GANAB: variants seen among roughly 807,000 people sequenced by gnomAD.
The protein encoded by GANAB is neutral alpha-glucosidase AB.
Under a neutral mutation model 129.9 loss-of-function variants are expected in GANAB, and 35 were observed. The ratio of observed to expected loss-of-function variants is 0.27; its 90% CI spans 0.21 to 0.36. The LOEUF is 0.36. Among genes scored for constraint, GANAB ranks in the 10% least tolerant of loss-of-function variants. GANAB has a pLI of 1.00. For missense variants in GANAB, 939 were observed against 1,221.0 expected (o/e 0.77, Z 3.44); for synonymous variants, 482 against 451.8 (o/e 1.07, Z -0.85).
intron 17 of GANAB, among the ~76,000 whole-genome samples, chr11:62,628,465 G>A (rs1383299635): frequency 3.3e-5 from 5 of 151,828 alleles, no homozygotes; most frequent in African/African-American, 1.2e-4. Context: ...TGCCCACCTC[G>A]GCCTCCCAAA....
At position 62,630,646 on chromosome 11, in the gene GANAB, A is replaced by G. The variant is rs761426092; in HGVS notation, c.1341T>C (p.Pro447=). Residue 447 remains proline (P), a synonymous_variant, in exon 11 of 24, where the codon CCT becomes CCC. Transcript: ENST00000356638. ...AGCGCTCAAGCATGGTGCGGGGCTG[A>G]GGGAAGCGACTGGGGTCCCAGGTGA... ...RYFTWDPSRF[P]QPRTMLERLA... The G allele has an allele frequency of 3.1e-6, 5 of 1,614,054 alleles. No homozygotes were observed. The East Asian group carries it at 1.1e-4, about 36-fold the overall frequency.
chr11:62,643,129 G>A (rs773884391), intron 1 of GANAB, among the ~76,000 whole-genome samples: 2 of 152,304 alleles, frequency 1.3e-5, no homozygotes, highest in Non-Finnish European at 2.9e-5. Flanking sequence ...ATTTAAATAA[G>A]TTAGTTTGAA....
intron 1 of GANAB, among the ~76,000 whole-genome samples, chr11:62,645,636 G>C (rs748578400): frequency 6.6e-6 from 1 of 152,122 alleles, no homozygotes; most frequent in South Asian, 2.1e-4. Context: ...ATGGAGATAG[G>C]ATTCCTAAAG....
Position 62,639,441 on chromosome 11 carries a change from A to G in GANAB, c.170T>C (p.Leu57Pro). ...GTCCAGCAAGGCTCGGTATGGAGAG[A>G]GGCCTGGCCGTATGCTTCTCTGTCG... Reference protein sequence around the residue: ...CKRQRSIRPGLSPYRALLDSL... With the variant: ...CKRQRSIRPGPSPYRALLDSL... Residue 57 changes from leucine (L) to proline (P), a missense_variant, in exon 3 of 24, where the codon CTC becomes CCC. Leu to Pro is a moderately conservative substitution (Grantham distance 98). Coordinates refer to ENST00000356638, the MANE Select transcript of GANAB (RefSeq NM_198334.3). 1 of 1,613,596 alleles carries G rather than the reference A, an allele frequency of 6.2e-7. No individual in the cohort carries two copies. The highest frequency in any genetic ancestry group is 8.5e-7 in the Non-Finnish European group (1 of 1,179,704).
At position 62,633,052 on chromosome 11, in the gene GANAB, G is replaced by T; in HGVS notation, c.768C>A (p.Val256=). Residue 256 remains valine, a synonymous_variant, in exon 8 of 24, where the codon GTC becomes GTA. Transcript: ENST00000356638. The part of the protein sequence containing the change: ...LDFSLPGMEH[V]YGIPEHADNL... Reference sequence around the variant, plus strand: ...TGTCTGCATGCTCAGGGATCCCATAGACATGCTCCATGCCTGGCAGAGAGA... The same window carrying T: ...TGTCTGCATGCTCAGGGATCCCATATACATGCTCCATGCCTGGCAGAGAGA... The T allele has an allele frequency of 6.2e-7, 1 of 1,612,072 alleles. No individual in the cohort carries two copies. Among genetic ancestry groups the T allele is most frequent in the Non-Finnish European group, 8.5e-7 (1 of 1,178,174 alleles).
At chr11:62,638,462 T>C (rs1177987331) in intron 4 of GANAB, among the ~76,000 whole-genome samples, 2 of 152,092 alleles carry the variant, frequency 1.3e-5, no homozygotes, top group Admixed American at 6.6e-5. Flanking sequence ...CACTATGTTA[T>C]TTTCTGAATT....
intron 17 of GANAB, 87 bp downstream of exon 17, chr11:62,628,682 T>C (rs1943517415): frequency 8.7e-6 from 12 of 1,376,364 alleles, no homozygotes; most frequent in South Asian, 5.0e-5. Flanking sequence ...CTGTAGTGAG[T>C]GAAGAAAGAG....
At chr11:62,635,126 G>A in intron 4 of GANAB, 126 bp from the exon 5 acceptor site, 1 of 610,884 alleles carries the variant, frequency 1.6e-6, no homozygotes, top group Non-Finnish European at 2.9e-6. Context: ...AGCAGGGATA[G>A]ACAAGTTAAT....
At chr11:62,633,543 A>G (rs373204772) in intron 5 of GANAB, 29 bp from the exon 6 acceptor site, 4 of 1,597,662 alleles carry the variant, frequency 2.5e-6, no homozygotes, top group East Asian at 2.2e-5. Context: ...GTCTGCTCCA[A>G]TCCAGAGGGG....
At chr11:62,644,661 TA>T (rs1944400191) in intron 1 of GANAB, among the ~76,000 whole-genome samples, 1 of 151,794 alleles carries the variant, frequency 6.6e-6, no homozygotes, top group African/African-American at 2.4e-5. Flanking sequence ...GGGTGTCTAC[TA>T]AAAATACAAA....
chr11:62,625,865 G>A lies in GANAB; in HGVS notation c.2785C>T (p.Arg929Cys), dbSNP rs1190900041. The stretch of plus-strand genomic sequence containing the variant: ...GATGCCACATTGATGCCAGGCTTGC[G>A]CAGGACCAACACAGAGGTCTCAGGG... Reference protein sequence around the residue: ...HDPETSVLVLRKPGINVASDW... With the variant: ...HDPETSVLVLCKPGINVASDW... The change falls in exon 24 of 24, where the codon CGC (arginine) becomes TGC (cysteine). Residue 929 changes from arginine to cysteine, a missense_variant. Coordinates refer to ENST00000356638, the MANE Select transcript of GANAB (RefSeq NM_198334.3). The A allele has an allele frequency of 5.6e-6, 9 of 1,613,652 alleles. No homozygotes were observed. Among genetic ancestry groups the A allele is most frequent in the South Asian group, 3.3e-5 (3 of 91,068 alleles).
chr11:62,639,842 G>A, intron 1 of GANAB, 111 bp from the exon 2 acceptor site: 1 of 704,934 alleles, frequency 1.4e-6, no homozygotes, highest in African/African-American at 1.8e-5. Flanking sequence ...TGAGGAAAGA[G>A]GGGAGAAAGA....
At chr11:62,626,295 C>A (rs370022389) in intron 22 of GANAB, 40 bp downstream of exon 22, 16 of 1,443,440 alleles carry the variant, frequency 1.1e-5, no homozygotes, top group Non-Finnish European at 9.8e-7. Context: ...AGGATCAGGC[C>A]CCAGCAAAGG....
chr11:62,626,884 C>G lies in GANAB; in HGVS notation c.2373G>C (p.Leu791=). 1 of 1,612,318 alleles carries G rather than the reference C, an allele frequency of 6.2e-7. No individual in the cohort carries two copies. The highest frequency in any genetic ancestry group is 8.5e-7 in the Non-Finnish European group (1 of 1,178,602). The part of the protein sequence containing the change: ...SYQKHHGPQT[L]YLPVTLSSIP... ...CACTGCTTAGAGTTACAGGCAGGTA[C>G]AGGGTCTGGGGACCATGATGCTTCT... is the stretch of plus-strand genomic sequence containing the variant. The change falls in exon 20 of 24, where the codon CTG becomes CTC. Residue 791 remains leucine, a synonymous_variant. Coordinates refer to ENST00000356638, the MANE Select transcript of GANAB (RefSeq NM_198334.3).
At chr11:62,646,467 T>C in intron 1 of GANAB, 95 bp downstream of exon 1, 1 of 1,387,408 alleles carries the variant, frequency 7.2e-7, no homozygotes, top group Non-Finnish European at 1.0e-6. Context: ...AGGCCGGGGG[T>C]GGCAGAGTGT....
intron 9 of GANAB, 134 bp from the exon 10 acceptor site, chr11:62,631,317 G>C: frequency 1.4e-6 from 1 of 718,854 alleles, no homozygotes; most frequent in Admixed American, 2.4e-5. Flanking sequence ...AAGACTAAAC[G>C]GGGCCTCTTC....
At chr11:62,638,925 G>T (rs1179358996) in intron 4 of GANAB, 58 bp downstream of exon 4, 7 of 1,577,922 alleles carry the variant, frequency 4.4e-6, no homozygotes, top group African/African-American at 1.4e-5. Flanking sequence ...ACCAAAAAAA[G>T]GTTCATCAGG....
At chr11:62,631,219 T>C (rs1019785228) in intron 9 of GANAB, 36 bp from the exon 10 acceptor site, 9 of 1,508,238 alleles carry the variant, frequency 6.0e-6, no homozygotes, top group Admixed American at 2.1e-5. Flanking sequence ...AGACACCTCC[T>C]GCCCTCCCAT....
chr11:62,643,708 G>A (rs751332456), intron 1 of GANAB, among the ~76,000 whole-genome samples: 1 of 152,090 alleles, frequency 6.6e-6, no homozygotes, highest in Non-Finnish European at 1.5e-5. Flanking sequence ...CCCAGCTACT[G>A]GGGAGGCTGA....
Sources: gnomAD v4.1 joint callset for allele counts (sites outside exome capture counted in the v4.1 genomes callset) on GRCh38, gnomAD v4.1.1 for gene constraint, MANE v1.5 for transcripts, NCBI Gene and HGNC (gene_info 2026-07-23, HGNC 2026-07-21) for gene names.